ADAM18: variants seen among roughly 807,000 people sequenced by gnomAD.
ADAM18 encodes ADAM metallopeptidase domain 18, also known as disintegrin and metalloproteinase domain-containing protein 18.
Under a neutral mutation model 94.4 loss-of-function variants are expected in ADAM18, and 117 were observed. The observed-to-expected ratio is 1.24, with a 90% CI of 1.07 to 1.45. ADAM18 has a LOEUF of 1.45. Among genes scored for constraint, ADAM18 ranks in the 40% most tolerant of loss-of-function variants. ADAM18 has a pLI of 0.00. For synonymous variants in ADAM18, 327 were observed against 291.6 expected, an observed-to-expected ratio of 1.12 and a Z score of -1.24; for missense variants, 936 against 880.0, an observed-to-expected ratio of 1.06 and a Z score of -0.81.
At chr8:39,630,497 T>C (rs2129579091) in intron 7 of ADAM18, among the ~76,000 whole-genome samples, 1 of 151,978 alleles carries the variant, frequency 6.6e-6, no homozygotes, top group Admixed American at 6.6e-5. Flanking sequence ...ATGACTAGCA[T>C]TTAGCAGATA....
intron 14 of ADAM18, among the ~76,000 whole-genome samples, chr8:39,671,391 A>G (rs1257348786): frequency 6.6e-6 from 1 of 152,226 alleles, no homozygotes; most frequent in Admixed American, 6.5e-5. Flanking sequence ...TTAGGAAAAT[A>G]TAACAAAAGG....
chr8:39,655,705 A>G (rs1820664706), intron 12 of ADAM18, among the ~76,000 whole-genome samples: 1 of 152,114 alleles, frequency 6.6e-6, no homozygotes. Flanking sequence ...AGATTTCATT[A>G]TTTATAATCA....
At chr8:39,645,783 T>C (rs1272057259) in intron 11 of ADAM18, among the ~76,000 whole-genome samples, 1 of 152,172 alleles carries the variant, frequency 6.6e-6, no homozygotes, top group Non-Finnish European at 1.5e-5. Context: ...AAGTCTTATT[T>C]TGTAAACAAT....
chr8:39,705,140 G>A (rs1283755668), intron 17 of ADAM18, among the ~76,000 whole-genome samples: 1 of 152,090 alleles, frequency 6.6e-6, no homozygotes, highest in African/African-American at 2.4e-5. Context: ...TCAGGGAAGA[G>A]TCTGATGCTA....
chr8:39,590,933 T>C (rs1269452688), intron 2 of ADAM18, among the ~76,000 whole-genome samples: 1 of 152,202 alleles, frequency 6.6e-6, no homozygotes, highest in East Asian at 1.9e-4. Context: ...CTTGGAGATA[T>C]TGCAGGTTTG....
intron 12 of ADAM18, among the ~76,000 whole-genome samples, chr8:39,656,739 T>G (rs1820695383): frequency 6.6e-6 from 1 of 152,128 alleles, no homozygotes; most frequent in Non-Finnish European, 1.5e-5. Context: ...ATGACAGACT[T>G]TCAGAGAAAA....
chr8:39,679,086 G>A (rs1730164955), intron 15 of ADAM18, among the ~76,000 whole-genome samples: 1 of 151,992 alleles, frequency 6.6e-6, no homozygotes, highest in South Asian at 2.1e-4. Context: ...TATGCTGGAG[G>A]GAAGACAAAA....
intron 13 of ADAM18, among the ~76,000 whole-genome samples, chr8:39,664,806 G>T (rs757735361): frequency 5.3e-4 from 81 of 152,198 alleles, no homozygotes; most frequent in Non-Finnish European, 9.3e-4. Context: ...AAATATTAAT[G>T]CAGTAATATA....
chr8:39,622,505 A>G (rs1819642834), intron 6 of ADAM18, among the ~76,000 whole-genome samples: 1 of 151,854 alleles, frequency 6.6e-6, no homozygotes, highest in Admixed American at 6.6e-5. Context: ...ACCTAAGAAA[A>G]TAAAGCACAT....
chr8:39,655,140 C>T (rs1820652536), intron 12 of ADAM18, among the ~76,000 whole-genome samples: 1 of 151,914 alleles, frequency 6.6e-6, no homozygotes, highest in Non-Finnish European at 1.5e-5. Context: ...ATGTGTTCTT[C>T]TGGTAGTTTC....
intron 16 of ADAM18, among the ~76,000 whole-genome samples, chr8:39,690,706 C>T (rs1278804942): frequency 6.6e-6 from 1 of 152,124 alleles, no homozygotes; most frequent in Non-Finnish European, 1.5e-5. Flanking sequence ...TCTCTCCCCA[C>T]CAACCAAATG....
intron 17 of ADAM18, among the ~76,000 whole-genome samples, chr8:39,693,577 A>G (rs1012976624): frequency 6.6e-6 from 1 of 151,050 alleles, no homozygotes; most frequent in African/African-American, 2.4e-5. Context: ...ACTTATATAC[A>G]TTTTTATACA....
chr8:39,670,871 G>A (rs551604102), intron 14 of ADAM18, among the ~76,000 whole-genome samples: 3 of 152,312 alleles, frequency 2.0e-5, no homozygotes, highest in Admixed American at 2.0e-4. Context: ...TCTCAAGCCA[G>A]CACACATGCA....
intron 18 of ADAM18, among the ~76,000 whole-genome samples, chr8:39,722,217 GTATATATA>G (rs61542840): frequency 0.029 from 2,669 of 91,088 alleles, 37 homozygotes; most frequent in African/African-American, 0.037. Context: ...GTGTGTGTGT[GTATATATA>G]TATATATATA....
chr8:39,631,134 C>G (rs1819921024), intron 7 of ADAM18, among the ~76,000 whole-genome samples: 1 of 151,900 alleles, frequency 6.6e-6, no homozygotes, highest in East Asian at 1.9e-4. Flanking sequence ...TGTATTAAGG[C>G]TATTTTCTCG....
At chr8:39,659,381 A>C (rs1187343463) in intron 12 of ADAM18, among the ~76,000 whole-genome samples, 1 of 152,066 alleles carries the variant, frequency 6.6e-6, no homozygotes, top group African/African-American at 2.4e-5. Flanking sequence ...TAAAAAAAAA[A>C]CAAGCAAATA....
chr8:39,606,866 G>C (rs542895863), intron 3 of ADAM18, among the ~76,000 whole-genome samples: 1 of 152,132 alleles, frequency 6.6e-6, no homozygotes, highest in Non-Finnish European at 1.5e-5. Flanking sequence ...GTTCTCTGGC[G>C]GGCAGGGGCG....
chr8:39,695,769 C>A, intron 17 of ADAM18, among the ~76,000 whole-genome samples: 1 of 151,210 alleles, frequency 6.6e-6, no homozygotes, highest in Non-Finnish European at 1.5e-5. Context: ...AAATTTCATT[C>A]TTTTTAAGCT....
intron 6 of ADAM18, among the ~76,000 whole-genome samples, chr8:39,614,832 A>G (rs1009332239): frequency 5.9e-5 from 9 of 152,222 alleles, no homozygotes; most frequent in Non-Finnish European, 7.3e-5. Context: ...GGAATAAACT[A>G]TAAACCAACA....
Sources: allele counts gnomAD v4.1 joint callset (sites outside exome capture counted in the v4.1 genomes callset), GRCh38; gene constraint gnomAD v4.1.1; transcripts MANE v1.5; gene names NCBI Gene and HGNC (gene_info 2026-07-23, HGNC 2026-07-21).